Variants in SGCD observed in about 807,000 individuals in gnomAD.
SGCD encodes sarcoglycan delta.
Under a neutral mutation model 36.6 loss-of-function variants are expected in SGCD, and 18 were observed. The observed-to-expected ratio is 0.49, with a 90% CI of 0.34 to 0.73. SGCD has a LOEUF of 0.73. Ranked by LOEUF, SGCD falls within the 30% of genes least tolerant of loss-of-function variation. The pLI is 0.01. For synonymous variants in SGCD, 133 were observed against 130.6 expected, an observed-to-expected ratio of 1.02 and a Z score of -0.12; for missense variants, 387 against 346.7, an observed-to-expected ratio of 1.12 and a Z score of -0.92.
intron 2 of SGCD, among the ~76,000 whole-genome samples, chr5:156,344,000 G>A (rs150436768): frequency 3.9e-3 from 594 of 152,214 alleles, no homozygotes; most frequent in Admixed American, 6.2e-3. Context: ...AAGCTGCCAC[G>A]GTTGCCACTG....
At chr5:156,070,068 A>G (rs1042116010) in intron 1 of SGCD, among the ~76,000 whole-genome samples, 2 of 151,324 alleles carry the variant, frequency 1.3e-5, no homozygotes, top group Admixed American at 6.6e-5. Context: ...CAATCATGTC[A>G]TCTGCAAACA....
intron 3 of SGCD, among the ~76,000 whole-genome samples, chr5:156,279,678 TTC>T (rs912950227): frequency 2.3e-4 from 35 of 152,248 alleles, no homozygotes; most frequent in African/African-American, 7.9e-4. Flanking sequence ...GAGGCATTTT[TTC>T]TCTTTTTTTG....
intron 3 of SGCD, among the ~76,000 whole-genome samples, chr5:156,363,272 A>T (rs527692264): frequency 1.3e-5 from 2 of 152,288 alleles, no homozygotes; most frequent in East Asian, 3.9e-4. Context: ...CTAGCCTTCC[A>T]TGGTAACTCA....
At chr5:156,168,635 G>A (rs181583581) in intron 3 of SGCD, among the ~76,000 whole-genome samples, 1 of 152,304 alleles carries the variant, frequency 6.6e-6, no homozygotes, top group East Asian at 1.9e-4. Flanking sequence ...CACCTTGTGT[G>A]TGCTACCAAG....
chr5:156,088,993 G>A (rs1761170771), intron 1 of SGCD, among the ~76,000 whole-genome samples: 2 of 152,044 alleles, frequency 1.3e-5, no homozygotes, highest in Non-Finnish European at 2.9e-5. Flanking sequence ...TTGTTGATTT[G>A]GTCCTTGATT....
At chr5:155,997,426 C>T (rs113258288) in intron 1 of SGCD, among the ~76,000 whole-genome samples, 38 of 152,322 alleles carry the variant, frequency 2.5e-4, no homozygotes, top group African/African-American at 9.1e-4. Flanking sequence ...TAAGTGACTA[C>T]AGTATCCACC....
intron 7 of SGCD, among the ~76,000 whole-genome samples, chr5:156,754,566 T>C (rs904829293): frequency 2.4e-4 from 36 of 152,314 alleles, no homozygotes; most frequent in Admixed American, 1.1e-3. Context: ...ATACAATAGA[T>C]GGAAAGAAAT....
intron 1 of SGCD, among the ~76,000 whole-genome samples, chr5:156,010,829 G>T (rs1758845707): frequency 1.3e-5 from 2 of 152,142 alleles, no homozygotes; most frequent in African/African-American, 4.8e-5. Context: ...CTTGAATCCA[G>T]ATCTATCTGA....
intron 7 of SGCD, among the ~76,000 whole-genome samples, chr5:156,648,274 T>TTTTC (rs397780325): frequency 8.0e-5 from 12 of 150,844 alleles, no homozygotes; most frequent in African/African-American, 2.7e-4. Context: ...CTTTTTTTTT[T>TTTTC]CATTTCTGGT....
chr5:155,979,466 G>T (rs1374124999), intron 1 of SGCD, among the ~76,000 whole-genome samples: 2 of 152,178 alleles, frequency 1.3e-5, no homozygotes, highest in African/African-American at 4.8e-5. Flanking sequence ...AGATTAGCAT[G>T]CAAGACTTCT....
chr5:156,092,925 G>A (rs1361323301), intron 1 of SGCD, among the ~76,000 whole-genome samples: 2 of 152,224 alleles, frequency 1.3e-5, no homozygotes, highest in Non-Finnish European at 2.9e-5. Flanking sequence ...TGCTTCTGTT[G>A]TGTTAAGAAC....
chr5:156,477,733 T>C (rs1319231892), intron 3 of SGCD, among the ~76,000 whole-genome samples: 5 of 151,430 alleles, frequency 3.3e-5, no homozygotes, highest in Non-Finnish European at 7.4e-5. Context: ...GCACTTCTTC[T>C]GAATTTTGTT....
chr5:156,508,892 C>T (rs1756818982), intron 4 of SGCD, among the ~76,000 whole-genome samples, 190 bp downstream of exon 4: 2 of 152,120 alleles, frequency 1.3e-5, no homozygotes. Flanking sequence ...GTGAGATGAC[C>T]TCTCTGAGCC....
At chr5:156,029,893 C>G (rs1370405292) in intron 1 of SGCD, among the ~76,000 whole-genome samples, 1 of 152,142 alleles carries the variant, frequency 6.6e-6, no homozygotes, top group Non-Finnish European at 1.5e-5. Context: ...TCTTTTCTCT[C>G]TGTCTCCAAA....
At chr5:156,650,752 G>A (rs1207312236) in intron 7 of SGCD, among the ~76,000 whole-genome samples, 2 of 152,044 alleles carry the variant, frequency 1.3e-5, no homozygotes, top group Non-Finnish European at 2.9e-5. Context: ...AGATACCTAG[G>A]TTGATTTTTG....
chr5:156,406,092 C>T (rs1282543863), intron 3 of SGCD, among the ~76,000 whole-genome samples: 1 of 148,778 alleles, frequency 6.7e-6, no homozygotes, highest in Non-Finnish European at 1.5e-5. Context: ...AGCAGCTGGT[C>T]CGTGGCATTA....
At chr5:155,932,458 GA>G (rs1210222040) in intron 1 of SGCD, among the ~76,000 whole-genome samples, 5 of 152,140 alleles carry the variant, frequency 3.3e-5, no homozygotes, top group Non-Finnish European at 7.4e-5. Context: ...AGGTAATCAT[GA>G]GAAATATATT....
At chr5:156,071,508 A>G (rs1760561222) in intron 1 of SGCD, among the ~76,000 whole-genome samples, 2 of 152,076 alleles carry the variant, frequency 1.3e-5, no homozygotes, top group South Asian at 2.1e-4. Context: ...GTTTGTTGTA[A>G]TTTCTGTTCT....
intron 3 of SGCD, among the ~76,000 whole-genome samples, chr5:156,483,135 C>A (rs1233695653): frequency 6.6e-6 from 1 of 152,054 alleles, no homozygotes; most frequent in Non-Finnish European, 1.5e-5. Context: ...TGGAGAAGAG[C>A]CTTCTGGGCA....
Sources: gnomAD v4.1 joint callset for allele counts (sites outside exome capture counted in the v4.1 genomes callset) on GRCh38, gnomAD v4.1.1 for gene constraint, MANE v1.5 for transcripts, NCBI Gene and HGNC (gene_info 2026-07-23, HGNC 2026-07-21) for gene names.